PRELID2: variants seen among roughly 807,000 people sequenced by gnomAD.
PRELID2 encodes PRELI domain containing 2.
A neutral mutation model predicts 28.4 loss-of-function variants in PRELID2; 25 were observed. The ratio of observed to expected loss-of-function variants is 0.88; its 90% CI spans 0.64 to 1.23. The LOEUF (loss-of-function observed/expected upper bound fraction) is 1.23, where lower values mean the gene tolerates loss of function less well. PRELID2 is among the 50% of genes most tolerant of loss of function. The probability of loss-of-function intolerance (pLI) is 0.00; values close to 1 mark genes in which losing one functional copy is unlikely to be tolerated. For synonymous variants in PRELID2, 76 were observed against 71.6 expected, an observed-to-expected ratio of 1.06 and a Z score of -0.31; for missense variants, 201 against 214.4, an observed-to-expected ratio of 0.94 and a Z score of 0.39.
intron 1 of PRELID2, among the ~76,000 whole-genome samples, chr5:145,580,920 C>T (rs1451498707): frequency 6.6e-6 from 1 of 152,064 alleles, no homozygotes; most frequent in African/African-American, 2.4e-5. Context: ...CTTTCAATGA[C>T]TTTCCATTGA....
chr5:145,483,805 G>A (rs374291838), intron 1 of PRELID2, among the ~76,000 whole-genome samples: 17 of 152,040 alleles, frequency 1.1e-4, no homozygotes, highest in African/African-American at 3.1e-4. Context: ...GTCTTAAATC[G>A]GCCGAAGTGC....
intron 1 of PRELID2, among the ~76,000 whole-genome samples, chr5:145,506,197 T>G (rs1752410326): frequency 6.6e-6 from 1 of 152,212 alleles, no homozygotes; most frequent in African/African-American, 2.4e-5. Flanking sequence ...TCTTCATTGC[T>G]TCAAATCCTG....
chr5:145,697,253 C>A (rs1277095394), intron 1 of PRELID2, among the ~76,000 whole-genome samples: 1 of 151,700 alleles, frequency 6.6e-6, no homozygotes, highest in Non-Finnish European at 1.5e-5. Flanking sequence ...ATACAGGCAT[C>A]CCTGTGTGCA....
the PRELID2 span, among the ~76,000 whole-genome samples, chr5:145,359,313 G>A: frequency 6.6e-6 from 1 of 152,146 alleles, no homozygotes; most frequent in Non-Finnish European, 1.5e-5. Flanking sequence ...GCAGCTGGTG[G>A]CATTCAATCT....
the PRELID2 span, among the ~76,000 whole-genome samples, chr5:145,386,808 T>C: frequency 6.6e-6 from 1 of 152,204 alleles, no homozygotes; most frequent in Non-Finnish European, 1.5e-5. Context: ...GCACTTGATA[T>C]GGTCATTTTT....
intron 1 of PRELID2, among the ~76,000 whole-genome samples, chr5:145,481,623 C>CAAAAAAAAAAAAAAAAAAAAAAACAA (rs1752160492): frequency 2.4e-5 from 1 of 41,862 alleles, no homozygotes; most frequent in Admixed American, 3.7e-4. Context: ...GCAAGGAAAT[C>CAAAAAAAAAAAAAAAAAAAAAAACAA]AAAAAAAAAA....
chr5:145,557,675 G>A (rs910741982), intron 1 of PRELID2, among the ~76,000 whole-genome samples: 4 of 152,180 alleles, frequency 2.6e-5, no homozygotes, highest in Admixed American at 6.5e-5. Context: ...CCAGGTAACT[G>A]TCTAAATGCT....
At chr5:145,380,748 T>G in the PRELID2 span, among the ~76,000 whole-genome samples, 14 of 152,198 alleles carry the variant, frequency 9.2e-5, no homozygotes, top group Non-Finnish European at 2.1e-4. Flanking sequence ...TTGAATGAAA[T>G]AATGAATGAA....
intron 5 of PRELID2, among the ~76,000 whole-genome samples, chr5:145,777,463 C>T (rs1236460264): frequency 6.6e-6 from 1 of 152,178 alleles, no homozygotes; most frequent in Non-Finnish European, 1.5e-5. Context: ...CTGGATTCTA[C>T]CACTCACCAC....
At chr5:145,531,610 C>G (rs1164237670) in intron 1 of PRELID2, among the ~76,000 whole-genome samples, 1 of 152,146 alleles carries the variant, frequency 6.6e-6, no homozygotes, top group Admixed American at 6.5e-5. Context: ...GCCCATTGCT[C>G]GTTAAAATGT....
chr5:145,596,829 T>C (rs534770633), intron 1 of PRELID2, among the ~76,000 whole-genome samples: 34 of 152,306 alleles, frequency 2.2e-4, no homozygotes, highest in African/African-American at 7.9e-4. Context: ...TGTTTGCATA[T>C]CTTAAATATA....
At chr5:145,479,794 A>G (rs1752139680) in intron 1 of PRELID2, among the ~76,000 whole-genome samples, 2 of 152,168 alleles carry the variant, frequency 1.3e-5, no homozygotes, top group South Asian at 4.1e-4. Context: ...TCCTTTCCTT[A>G]GCCACTACAT....
chr5:145,810,899 T>C (rs1157675456), intron 4 of PRELID2, among the ~76,000 whole-genome samples: 1 of 151,894 alleles, frequency 6.6e-6, no homozygotes, highest in African/African-American at 2.4e-5. Context: ...GAATTCTTCT[T>C]TTTCCTCTTT....
the PRELID2 span, among the ~76,000 whole-genome samples, chr5:145,313,777 C>G: frequency 6.6e-6 from 1 of 152,178 alleles, no homozygotes; most frequent in Non-Finnish European, 1.5e-5. Context: ...CATTACCTAA[C>G]TAGTTTCACA....
At chr5:145,451,606 C>A in the PRELID2 span, among the ~76,000 whole-genome samples, 2 of 152,070 alleles carry the variant, frequency 1.3e-5, no homozygotes, top group Non-Finnish European at 2.9e-5. Context: ...CACACTTGTT[C>A]TTTGATTAAT....
chr5:145,312,232 T>C, the PRELID2 span, among the ~76,000 whole-genome samples: 1 of 151,492 alleles, frequency 6.6e-6, no homozygotes, highest in Non-Finnish European at 1.5e-5. Flanking sequence ...CATGTGCCTG[T>C]AGTTCTAACT....
chr5:145,248,595 G>A, the PRELID2 span, among the ~76,000 whole-genome samples: 2 of 150,670 alleles, frequency 1.3e-5, no homozygotes, highest in East Asian at 1.9e-4. Flanking sequence ...GAGATCGATC[G>A]AGAACATCCT....
intron 1 of PRELID2, among the ~76,000 whole-genome samples, chr5:145,537,290 A>G (rs1278975683): frequency 1.3e-5 from 2 of 151,870 alleles, no homozygotes; most frequent in Admixed American, 1.3e-4. Context: ...TAGGTGATAA[A>G]ATGGAAAAAC....
At chr5:145,558,670 A>G (rs1231904978) in intron 1 of PRELID2, among the ~76,000 whole-genome samples, 1 of 152,238 alleles carries the variant, frequency 6.6e-6, no homozygotes, top group Non-Finnish European at 1.5e-5. Flanking sequence ...AAAGCAGTGA[A>G]TCTGGCTTTG....
Sources: allele counts gnomAD v4.1 joint callset (sites outside exome capture counted in the v4.1 genomes callset), GRCh38; gene constraint gnomAD v4.1.1; transcripts MANE v1.5; gene names NCBI Gene and HGNC (gene_info 2026-07-23, HGNC 2026-07-21).